CTNNA3: variants seen among roughly 807,000 people sequenced by gnomAD.
CTNNA3 encodes the protein catenin alpha 3.
Under a neutral mutation model 95.7 loss-of-function variants are expected in CTNNA3, and 76 were observed. The observed-to-expected ratio is 0.79, with a 90% confidence interval of 0.66 to 0.96. CTNNA3 has a LOEUF of 0.96. Ranked by LOEUF, CTNNA3 falls within the 40% of genes least tolerant of loss-of-function variation. The probability of loss-of-function intolerance (pLI) is 0.00; values close to 1 mark genes in which losing one functional copy is unlikely to be tolerated. For synonymous variants in CTNNA3, 431 were observed against 374.4 expected (o/e 1.15, Z -1.74); for missense variants, 1,191 against 1,089.8 (o/e 1.09, Z -1.31).
intron 7 of CTNNA3, among the ~76,000 whole-genome samples, chr10:66,914,542 CAAA>C (rs34229702): frequency 5.3e-5 from 7 of 132,368 alleles, no homozygotes; most frequent in Admixed American, 7.5e-5. Flanking sequence ...AGTATACCAC[CAAA>C]AAAAAAAAAA....
intron 6 of CTNNA3, among the ~76,000 whole-genome samples, chr10:67,214,842 T>TC (rs1864284104): frequency 1.3e-5 from 2 of 152,018 alleles, no homozygotes; most frequent in South Asian, 4.1e-4. Context: ...CTCTTTTTTT[T>TC]CCTATTTTCT....
chr10:67,746,359 G>A (rs1231531963), intron 1 of CTNNA3, among the ~76,000 whole-genome samples: 1 of 152,034 alleles, frequency 6.6e-6, no homozygotes, highest in Non-Finnish European at 1.5e-5. Flanking sequence ...TGGGACAATG[G>A]GATAACTATA....
chr10:66,448,322 A>G (rs2093438167), intron 11 of CTNNA3, among the ~76,000 whole-genome samples: 1 of 152,202 alleles, frequency 6.6e-6, no homozygotes, highest in African/African-American at 2.4e-5. Flanking sequence ...CCATCCCATT[A>G]CTGGGTATAT....
intron 9 of CTNNA3, among the ~76,000 whole-genome samples, chr10:66,628,963 A>G (rs7093455): frequency 0.17 from 25,550 of 151,990 alleles, 2,793 homozygotes; most frequent in Non-Finnish European, 0.24. Context: ...TGAGGAGAAA[A>G]AGTTCTTGGA....
chr10:66,860,920 C>A (rs1323071790), intron 7 of CTNNA3, among the ~76,000 whole-genome samples: 1 of 152,090 alleles, frequency 6.6e-6, no homozygotes, highest in East Asian at 1.9e-4. Flanking sequence ...ACCTCATAGC[C>A]CAGGGAAGAA....
At chr10:67,015,740 A>G (rs1213793661) in intron 7 of CTNNA3, among the ~76,000 whole-genome samples, 1 of 151,634 alleles carries the variant, frequency 6.6e-6, no homozygotes, top group Non-Finnish European at 1.5e-5. Flanking sequence ...TTATTGATTC[A>G]TTTTTTTCTG....
At chr10:66,445,952 G>T (rs1035237043) in intron 11 of CTNNA3, among the ~76,000 whole-genome samples, 14 of 151,800 alleles carry the variant, frequency 9.2e-5, no homozygotes, top group Non-Finnish European at 1.9e-4. Context: ...AGAAAAGAGA[G>T]AAGAATCAAA....
intron 6 of CTNNA3, among the ~76,000 whole-genome samples, chr10:67,214,929 A>C (rs1864288935): frequency 6.6e-6 from 1 of 151,922 alleles, no homozygotes. Flanking sequence ...CTTTAAAGAC[A>C]CCTTGCTTGG....
chr10:66,053,980 T>A (rs985767774), intron 15 of CTNNA3, among the ~76,000 whole-genome samples: 1 of 152,152 alleles, frequency 6.6e-6, no homozygotes, highest in African/African-American at 2.4e-5. Flanking sequence ...ACATGTGATA[T>A]TTGTCTTTCT....
intron 5 of CTNNA3, among the ~76,000 whole-genome samples, chr10:67,516,125 G>C (rs1021309288): frequency 2.6e-5 from 4 of 152,010 alleles, no homozygotes; most frequent in African/African-American, 9.7e-5. Context: ...ACCATGCCCG[G>C]CTAATTTTTT....
intron 13 of CTNNA3, among the ~76,000 whole-genome samples, chr10:66,137,017 T>A (rs1564687891): frequency 6.6e-6 from 1 of 152,106 alleles, no homozygotes; most frequent in Non-Finnish European, 1.5e-5. Flanking sequence ...GACATGGGTT[T>A]CACCATGTTG....
chr10:66,887,486 T>C (rs1402982367), intron 7 of CTNNA3, among the ~76,000 whole-genome samples: 1 of 152,176 alleles, frequency 6.6e-6, no homozygotes, highest in Non-Finnish European at 1.5e-5. Flanking sequence ...AATTATTTTC[T>C]TATCTGCAAA....
intron 9 of CTNNA3, among the ~76,000 whole-genome samples, chr10:66,703,972 A>C (rs942376956): frequency 1.3e-5 from 2 of 152,114 alleles, no homozygotes; most frequent in Middle Eastern, 3.4e-3. Context: ...GTTTTTCTTA[A>C]TTTTCTGCAG....
chr10:67,093,273 C>A (rs1344902993), intron 7 of CTNNA3, among the ~76,000 whole-genome samples: 1 of 151,846 alleles, frequency 6.6e-6, no homozygotes, highest in African/African-American at 2.4e-5. Flanking sequence ...AGTTCAGACA[C>A]TTAGGGTAAC....
intron 15 of CTNNA3, among the ~76,000 whole-genome samples, chr10:65,989,179 T>C (rs1048921321): frequency 2.0e-5 from 3 of 152,204 alleles, no homozygotes; most frequent in African/African-American, 7.2e-5. Context: ...GACCTCGTGA[T>C]CCACCCGCCT....
chr10:67,091,972 G>A (rs1857670522), intron 7 of CTNNA3, among the ~76,000 whole-genome samples: 1 of 151,956 alleles, frequency 6.6e-6, no homozygotes. Context: ...TTATATGTTA[G>A]TAGGTAGAAA....
At chr10:67,727,924 TACA>T (rs1564841870) in intron 1 of CTNNA3, among the ~76,000 whole-genome samples, 3 of 125,196 alleles carry the variant, frequency 2.4e-5, no homozygotes, top group Admixed American at 8.7e-5. Context: ...TATTATATAT[TACA>T]TATTATATTA....
At chr10:67,735,494 T>G (rs1170240207) in intron 1 of CTNNA3, among the ~76,000 whole-genome samples, 1 of 152,060 alleles carries the variant, frequency 6.6e-6, no homozygotes, top group African/African-American at 2.4e-5. Context: ...GTAAAGGACT[T>G]GCATGATCAT....
In CTNNA3 at chr10:67,325,051, T is replaced by A. The variant is rs1348351572; in HGVS notation, c.580-105181A>T. On this transcript the variant is annotated intron_variant, in intron 5 of 17. Transcript: ENST00000433211. ...AGAGGTCTTCATAATACTCTCTGATTGTTATTTGTATTTCTGTGGGGTCAA... is the reference window on the plus strand; with the variant it reads ...AGAGGTCTTCATAATACTCTCTGATAGTTATTTGTATTTCTGTGGGGTCAA... Among the ~76,000 whole-genome samples, 7 of 152,010 alleles carry A rather than the reference T, an allele frequency of 4.6e-5. No individual in the cohort carries two copies. The East Asian group carries it at 1.3e-3, about 29-fold the overall frequency.
Sources: gnomAD v4.1 joint callset for allele counts (sites outside exome capture counted in the v4.1 genomes callset) on GRCh38, gnomAD v4.1.1 for gene constraint, MANE v1.5 for transcripts, NCBI Gene and HGNC (gene_info 2026-07-23, HGNC 2026-07-21) for gene names.